The following LPP variants were observed in gnomAD, a reference collection of about 807,000 sequenced individuals.
LPP encodes the protein LIM domain containing preferred translocation partner in lipoma.
A neutral mutation model predicts 60.4 loss-of-function variants in LPP; 38 were observed. The ratio of observed to expected loss-of-function variants is 0.63; its 90% confidence interval spans 0.49 to 0.83. The LOEUF (loss-of-function observed/expected upper bound fraction) is 0.83. Ranked by LOEUF, LPP falls within the 40% of genes least tolerant of loss-of-function variation. The probability of loss-of-function intolerance (pLI) is 0.00; values close to 1 mark genes in which losing one functional copy is unlikely to be tolerated. For synonymous variants in LPP, 328 were observed against 290.8 expected (o/e 1.13, Z -1.30); for missense variants, 902 against 783.6 (o/e 1.15, Z -1.80).
chr3:188,517,160 A>G (rs1257535628), intron 5 of LPP, among the ~76,000 whole-genome samples: 5 of 152,174 alleles, frequency 3.3e-5, no homozygotes, highest in African/African-American at 1.2e-4. Context: ...TTACAACTGC[A>G]TGAGGGACCC....
At chr3:188,418,939 G>C (rs560282555) in intron 4 of LPP, among the ~76,000 whole-genome samples, 1 of 151,980 alleles carries the variant, frequency 6.6e-6, no homozygotes, top group East Asian at 1.9e-4. Context: ...ATTTTTTACC[G>C]TTCTATAGAA....
intron 1 of LPP, chr3:188,180,417 T>C (rs1724598214): frequency 6.5e-6 from 1 of 154,546 alleles, no homozygotes; most frequent in Non-Finnish European, 1.5e-5. Flanking sequence ...GCTGCCCTGA[T>C]GGCCCAAGGG....
Position 188,227,293 on chromosome 3 carries a change from C to A in LPP, c.-67+1766C>A, listed in dbSNP as rs150429818. ...TGCTGGTGTGCTGCACCCACTAACT[C>A]GTCATCTAGCATTAGGTATATCTCC... On this transcript the variant is annotated intron_variant, in intron 2 of 11. Transcript: ENST00000617246. 8.1e-3 allele frequency among the ~76,000 whole-genome samples: 1,213 copies of A among 150,148 alleles called. 22 individuals are homozygous for A. The highest frequency in any genetic ancestry group is 0.029 in the African/African-American group (1,173 of 40,854).
intron 7 of LPP, among the ~76,000 whole-genome samples, chr3:188,676,861 C>CT (rs1027153616): frequency 2.1e-4 from 32 of 152,220 alleles, no homozygotes; most frequent in Middle Eastern, 3.4e-3. Context: ...TCTTTGATGA[C>CT]TTGTGTGTGA....
intron 6 of LPP, among the ~76,000 whole-genome samples, chr3:188,542,516 T>G (rs961631099): frequency 2.0e-5 from 3 of 152,202 alleles, no homozygotes; most frequent in Admixed American, 2.0e-4. Flanking sequence ...TTTTCTAGTC[T>G]CTTGCTTTTT....
chr3:188,447,375 G>A (rs1795468240), intron 4 of LPP, among the ~76,000 whole-genome samples: 1 of 152,134 alleles, frequency 6.6e-6, no homozygotes, highest in African/African-American at 2.4e-5. Flanking sequence ...ACTTTGGGAG[G>A]CCGAGGTGGG....
In LPP at chr3:188,601,992, C is replaced by T. The variant is rs769522753; in HGVS notation, c.430-7169C>T. Among the ~76,000 whole-genome samples the T allele has an allele frequency of 8.0e-5, 12 of 150,112 alleles. No individual in the cohort carries two copies. The South Asian group carries it at 8.4e-4, about 11-fold the overall frequency. On this transcript the variant is annotated intron_variant, in intron 6 of 11. Coordinates refer to ENST00000617246, the MANE Select transcript of LPP (RefSeq NM_001375462.1). ...CTTTGACACAAGAATTCCTTGAACA[C>T]GCGAGGCAGAGGTTGCAGTGAGCTG...
intron 9 of LPP, among the ~76,000 whole-genome samples, chr3:188,790,172 A>G (rs1416003140): frequency 1.3e-5 from 2 of 152,228 alleles, no homozygotes; most frequent in Non-Finnish European, 2.9e-5. Context: ...ACTGCATGCA[A>G]TAATAACATG....
At chr3:188,477,422 G>A (rs560822976) in intron 4 of LPP, among the ~76,000 whole-genome samples, 23 of 152,276 alleles carry the variant, frequency 1.5e-4, no homozygotes, top group East Asian at 7.7e-4. Flanking sequence ...AAAAGGTTTC[G>A]TCTCTAATAG....
intron 9 of LPP, among the ~76,000 whole-genome samples, chr3:188,832,921 AG>A (rs1323107456): frequency 6.6e-6 from 1 of 152,162 alleles, no homozygotes; most frequent in African/African-American, 2.4e-5. Flanking sequence ...TCATGACAAA[AG>A]GACTGGAGGA....
intron 6 of LPP, among the ~76,000 whole-genome samples, chr3:188,547,057 T>C (rs899728414): frequency 6.6e-6 from 1 of 152,188 alleles, no homozygotes; most frequent in Non-Finnish European, 1.5e-5. Flanking sequence ...TATGGATGCC[T>C]AGCGGAAGGT....
chr3:188,165,957 G>A (rs1304398089), intron 1 of LPP, among the ~76,000 whole-genome samples: 1 of 151,778 alleles, frequency 6.6e-6, no homozygotes, highest in Non-Finnish European at 1.5e-5. Context: ...TGCTTGTCAA[G>A]GAAGATCTCC....
intron 4 of LPP, among the ~76,000 whole-genome samples, chr3:188,423,881 CT>C (rs72596910): frequency 2.0e-5 from 3 of 151,272 alleles, no homozygotes; most frequent in African/African-American, 7.3e-5. Flanking sequence ...AGATTGCACG[CT>C]TTTTTTTCCC....
At chr3:188,669,712 C>G (rs987034241) in intron 7 of LPP, among the ~76,000 whole-genome samples, 63 of 152,270 alleles carry the variant, frequency 4.1e-4, no homozygotes, top group African/African-American at 1.4e-3. Context: ...CCTCAAGGAT[C>G]TAGAACTAGA....
At chr3:188,484,497 G>A (rs760387492) in intron 4 of LPP, 95 bp from the exon 5 acceptor site, 3 of 846,748 alleles carry the variant, frequency 3.5e-6, no homozygotes, top group Non-Finnish European at 5.7e-6. Flanking sequence ...ATGTGTCAAA[G>A]CCAATTATAA....
intron 4 of LPP, among the ~76,000 whole-genome samples, chr3:188,410,314 A>G (rs1316600416): frequency 6.6e-6 from 1 of 152,180 alleles, no homozygotes; most frequent in Admixed American, 6.5e-5. Flanking sequence ...TTTCCTTCCT[A>G]TGCCCATTCT....
At chr3:188,356,892 A>G (rs1179191772) in intron 3 of LPP, among the ~76,000 whole-genome samples, 2 of 152,240 alleles carry the variant, frequency 1.3e-5, no homozygotes, top group Non-Finnish European at 2.9e-5. Flanking sequence ...TGGAATTTCA[A>G]CTGCTTCTGG....
In LPP at chr3:188,385,791, G is replaced by C. The variant is rs189328079; in HGVS notation, c.-9-20321G>C. Reference sequence around the variant, plus strand: ...TTGGAGGATATAGATATTTTAACAGGAAGATTCTAACACTAGGTAGGCTGG... The same window carrying C: ...TTGGAGGATATAGATATTTTAACAGCAAGATTCTAACACTAGGTAGGCTGG... On this transcript the variant is annotated intron_variant, in intron 3 of 11. Coordinates refer to ENST00000617246, the MANE Select transcript of LPP (RefSeq NM_001375462.1). Among the ~76,000 whole-genome samples the C allele has an allele frequency of 3.3e-5, 5 of 152,302 alleles. No homozygotes were observed. In the East Asian group the frequency reaches 9.7e-4, roughly 29 times the overall value.
chr3:188,246,259 G>A (rs1007333622), intron 2 of LPP, among the ~76,000 whole-genome samples: 4 of 151,854 alleles, frequency 2.6e-5, no homozygotes, highest in Non-Finnish European at 5.9e-5. Context: ...ATATGTCTAG[G>A]TGTCTATTTC....
Sources: allele counts gnomAD v4.1 joint callset (sites outside exome capture counted in the v4.1 genomes callset), GRCh38; gene constraint gnomAD v4.1.1; transcripts MANE v1.5; gene names NCBI Gene and HGNC (gene_info 2026-07-23, HGNC 2026-07-21).